The following ABCB10 variants were observed in gnomAD, a reference collection of about 807,000 sequenced individuals.
ABCB10 encodes the protein ATP-binding cassette sub-family B member 10, mitochondrial.
ABCB10 carries 54 observed loss-of-function variants against 65.4 expected under a neutral mutation model. That is an observed-to-expected ratio of 0.83 (90% CI 0.66 to 1.04). The LOEUF (loss-of-function observed/expected upper bound fraction) is 1.04, where lower values mean the gene tolerates loss of function less well. Ranked by LOEUF, ABCB10 falls within the 50% of genes least tolerant of loss-of-function variation. ABCB10 has a pLI of 0.00. For missense variants in ABCB10, 846 were observed against 976.6 expected (o/e 0.87, Z 1.78); for synonymous variants, 418 against 406.5 (o/e 1.03, Z -0.34).
rs143285817 is a variant in ABCB10, at chr1:229,530,271, G to A, written c.1573C>T (p.Leu525=). ...TTGCCAGAACCACTTGGGCCAACCA[G>A]TGCCGTGACAGATCCTGACGGAATG... The part of the protein sequence containing the change: ...LSIPSGSVTA[L]VGPSGSGKST... The change falls in exon 8 of 13, where the codon CTG becomes TTG. Residue 525 remains leucine, a synonymous_variant. Coordinates refer to ENST00000344517, the MANE Select transcript of ABCB10 (RefSeq NM_012089.3). 183 of 1,614,164 alleles carry A rather than the reference G, an allele frequency of 1.1e-4. No individual in the cohort carries two copies. In the African/African-American group the frequency reaches 2.0e-3, roughly 18 times the overall value.
chr1:229,517,356 TA>T lies in ABCB10; in HGVS notation c.*822del, dbSNP rs1158009716. On this transcript the variant is annotated 3_prime_UTR_variant, in exon 13 of 13. Transcript: ENST00000344517. ...CTTGAAATTATAAATTTGTAACAGA[TA>T]TTTTTCAAAATACATGCCTTCAAAC... The T allele has an allele frequency of 6.6e-6, 1 of 152,228 alleles. No individual in the cohort carries two copies. Among genetic ancestry groups the T allele is most frequent in the African/African-American group, 2.4e-5 (1 of 41,476 alleles). The allele number at this position is 152,228 out of a possible 1,614,324, so 9.4% of individuals were successfully genotyped here.
intron 10 of ABCB10, 138 bp downstream of exon 10, chr1:229,525,798 A>T: frequency 9.8e-7 from 1 of 1,016,040 alleles, no homozygotes; most frequent in Non-Finnish European, 1.4e-6. Flanking sequence ...CGCCACTGCC[A>T]CTGCACTCCA....
chr1:229,544,154 C>G (rs1662913801), intron 3 of ABCB10, among the ~76,000 whole-genome samples: 1 of 152,182 alleles, frequency 6.6e-6, no homozygotes, highest in Admixed American at 6.5e-5. Flanking sequence ...TGGCTCACGT[C>G]TGTAATCCTA....
chr1:229,538,692 C>T (rs914174815), intron 6 of ABCB10, among the ~76,000 whole-genome samples: 47 of 152,120 alleles, frequency 3.1e-4, no homozygotes, highest in African/African-American at 8.0e-4. Flanking sequence ...CAGATGTCTA[C>T]GGAAATGCCT....
chr1:229,536,613 T>C (rs1227462819), intron 6 of ABCB10, among the ~76,000 whole-genome samples: 1 of 151,968 alleles, frequency 6.6e-6, no homozygotes, highest in African/African-American at 2.4e-5. Flanking sequence ...CCTGGAAAAA[T>C]AAAATGCAAT....
chr1:229,543,149 A>T (rs1011732082), intron 3 of ABCB10, among the ~76,000 whole-genome samples: 7 of 151,902 alleles, frequency 4.6e-5, no homozygotes, highest in African/African-American at 1.2e-4. Flanking sequence ...AAAAAAAAAA[A>T]ACAGCACATT....
chr1:229,544,290 G>A (rs572187055), intron 3 of ABCB10, among the ~76,000 whole-genome samples: 121 of 152,086 alleles, frequency 8.0e-4, no homozygotes, highest in African/African-American at 2.6e-3. Flanking sequence ...GGTGGCGCAC[G>A]CCTGTGGTTC....
intron 4 of ABCB10, among the ~76,000 whole-genome samples, chr1:229,541,332 T>C (rs886765182): frequency 2.0e-5 from 3 of 152,168 alleles, no homozygotes; most frequent in Non-Finnish European, 2.9e-5. Context: ...GTTCAAGCGA[T>C]TCTCCTGTCT....
Position 229,525,959 on chromosome 1 carries a change from C to T in ABCB10, c.1883G>A (p.Gly628Glu). 2 of 1,613,812 alleles carry T rather than the reference C, an allele frequency of 1.2e-6. No individual in the cohort carries two copies. Among genetic ancestry groups the T allele is most frequent in the Non-Finnish European group, 1.7e-6 (2 of 1,179,858 alleles). ...ACCTGAGAGGAGAACACCCTTTTCT[C>T]CAACCACAGTGTTGAACCCTTGGGG... The part of the protein sequence containing the change: ...NFPQGFNTVV[G>E]EKGVLLSGGQ... The change falls in exon 10 of 13, where the codon GGA (glycine) becomes GAA (glutamate). Residue 628 changes from glycine (G) to glutamate (E), a missense_variant. Physicochemically the swap from Gly to Glu is moderately conservative, Grantham distance 98. Transcript: ENST00000344517.
intron 6 of ABCB10, chr1:229,535,279 C>A (rs1662692527): frequency 6.6e-6 from 1 of 152,144 alleles, no homozygotes; most frequent in South Asian, 2.1e-4. Flanking sequence ...AAAACCTACA[C>A]ATGGATGTTT....
At chr1:229,545,019 C>T (rs977480818) in intron 3 of ABCB10, among the ~76,000 whole-genome samples, 1 of 152,154 alleles carries the variant, frequency 6.6e-6, no homozygotes, top group Non-Finnish European at 1.5e-5. Context: ...GCACCTTGAC[C>T]CTGGACTTCT....
Position 229,539,567 on chromosome 1 carries a change from C to G in ABCB10, c.1228G>C (p.Val410Leu). 6.2e-7 allele frequency: 1 copy of G among 1,613,944 alleles called. No homozygotes were observed. Among genetic ancestry groups the G allele is most frequent in the Non-Finnish European group, 8.5e-7 (1 of 1,179,992 alleles). ...GATGLSGNLI[V>L]LSVLYKGGLL... is the part of the protein sequence containing the mutation. ...CCTCCTTTGTACAGGACAGAAAGCA[C>G]GATCAGGTTTCCGGAGAGCCCAGTC... is the stretch of plus-strand genomic sequence containing the variant. The change falls in exon 6 of 13, where the codon GTG (valine) becomes CTG (leucine). Residue 410 changes from valine to leucine, a missense_variant. Around this residue, in one of 2 missense-constraint regions of ABCB10, gnomAD observed 632 missense variants for 803.2 expected, o/e 0.79. Coordinates refer to ENST00000344517, the MANE Select transcript of ABCB10 (RefSeq NM_012089.3).
In ABCB10 at chr1:229,518,821, T is replaced by C; in HGVS notation, c.1985+20A>G. ...TTGGTTTAATACACACAATGGCATA[T>C]ATTATTAAGATATCCTCACCTGGTT... On this transcript the variant is annotated intron_variant, in intron 12 of 12. Transcript: ENST00000344517. 6.3e-7 allele frequency: 1 copy of C among 1,580,950 alleles called. No individual in the cohort carries two copies. The highest frequency in any genetic ancestry group is 8.6e-7 in the Non-Finnish European group (1 of 1,165,514).
At chr1:229,558,050 C>A in intron 1 of ABCB10, 86 bp downstream of exon 1, 1 of 1,235,928 alleles carries the variant, frequency 8.1e-7, no homozygotes, top group East Asian at 3.4e-5. Context: ...GCTCTGCGGC[C>A]CGGCCGTGTC....
intron 6 of ABCB10, among the ~76,000 whole-genome samples, chr1:229,533,483 C>T (rs1249925769): frequency 1.3e-5 from 2 of 152,296 alleles, no homozygotes; most frequent in Non-Finnish European, 2.9e-5. Flanking sequence ...TGAGGACATA[C>T]ATTTGTAACA....
In ABCB10 at chr1:229,547,435, G is replaced by T. The variant is rs76667068; in HGVS notation, c.921+64C>A. On this transcript the variant is annotated intron_variant, in intron 3 of 12. Transcript: ENST00000344517. ...CGCTCAGCTTGAGCTCGTCTCACAC[G>T]TGAGAGGCCTGGTGCAAGCCAAGCC... The T allele has an allele frequency of 4.6e-3, 7,202 of 1,578,428 alleles. 286 individuals carry two copies. The African/African-American group carries it at 0.085, about 19-fold the overall frequency.
Position 229,518,147 on chromosome 1 carries a change from A to C in ABCB10, c.*32T>G. The C allele has an allele frequency of 6.6e-7, 1 of 1,519,690 alleles. No individual in the cohort carries two copies. Among genetic ancestry groups the C allele is most frequent in the Non-Finnish European group, 9.1e-7 (1 of 1,096,860 alleles). The allele number at this position is 1,519,690 out of a possible 1,614,324, so 94.1% of individuals were successfully genotyped here. A position where few individuals can be genotyped will look rare whatever the true frequency, so the allele number is the denominator to read the frequency against. ...TTTTCTGCAACACTGTTTTGCATTA[A>C]AGTCTCATATTGTTTACCAGTAATT... On this transcript the variant is annotated 3_prime_UTR_variant, in exon 13 of 13. Coordinates refer to ENST00000344517, the MANE Select transcript of ABCB10 (RefSeq NM_012089.3).
At chr1:229,525,863 C>A (rs1662426959) in intron 10 of ABCB10, 73 bp downstream of exon 10, 3 of 1,507,246 alleles carry the variant, frequency 2.0e-6, no homozygotes, top group Non-Finnish European at 1.8e-6. Context: ...AACAAACAAA[C>A]AAAAAAAACA....
Position 229,540,626 on chromosome 1 carries a change from G to GC in ABCB10, c.1182_1183insG (p.Arg395AlafsTer36). ...CTTACTGCTCCAAAGAAACCAGCCC[G>GC]GGCGAATGCCTCTTTCCTTGCTAAC... is the stretch of plus-strand genomic sequence containing the variant. On this transcript the variant is annotated frameshift_variant, in exon 5 of 13. Transcript: ENST00000344517. LOFTEE classifies it high-confidence loss of function. 1 of 1,611,322 alleles carries GC rather than the reference G, an allele frequency of 6.2e-7. No homozygotes were observed. The highest frequency in any genetic ancestry group is 8.5e-7 in the Non-Finnish European group (1 of 1,179,762).
Sources: gnomAD v4.1 joint callset for allele counts (sites outside exome capture counted in the v4.1 genomes callset) on GRCh38, gnomAD v4.1.1 for gene constraint, gnomAD v4.1.1 regional missense constraint, MANE v1.5 for transcripts, NCBI Gene and HGNC (gene_info 2026-07-23, HGNC 2026-07-21) for gene names.